The following PPP4R1 variants were observed in gnomAD, a reference collection of about 807,000 sequenced individuals.
PPP4R1 encodes protein phosphatase 4 regulatory subunit 1, also known as serine/threonine-protein phosphatase 4 regulatory subunit 1.
A neutral mutation model predicts 111.2 loss-of-function variants in PPP4R1; 42 were observed. That is an observed-to-expected ratio of 0.38 (90% CI 0.29 to 0.49). PPP4R1 has a LOEUF of 0.49. Ranked by LOEUF, PPP4R1 falls within the 20% of genes least tolerant of loss-of-function variation. The pLI is 0.97. For synonymous variants in PPP4R1, 409 were observed against 405.5 expected, an observed-to-expected ratio of 1.01 and a Z score of -0.10; for missense variants, 1,012 against 1,161.6, an observed-to-expected ratio of 0.87 and a Z score of 1.87.
At chr18:9,549,379 G>A (rs1455257660) in intron 18 of PPP4R1, 41 bp from the exon 19 acceptor site, 3 of 1,554,962 alleles carry the variant, frequency 1.9e-6, no homozygotes, top group East Asian at 4.6e-5. Flanking sequence ...CTCTGTCAAT[G>A]TAGCCAAAAA....
intron 15 of PPP4R1, among the ~76,000 whole-genome samples, chr18:9,556,000 A>AT (rs2066573938): frequency 2.5e-5 from 2 of 79,290 alleles, no homozygotes; most frequent in African/African-American, 8.1e-5. Flanking sequence ...AAACAAACAA[A>AT]AAAACACAAA....
chr18:9,596,312 C>T lies in PPP4R1; in HGVS notation c.53-1159G>A, dbSNP rs371401973. Among the ~76,000 whole-genome samples the T allele has an allele frequency of 5.9e-5, 9 of 152,258 alleles. No individual in the cohort carries two copies. In the East Asian group the frequency reaches 1.4e-3, roughly 23 times the overall value. Reference sequence around the variant, plus strand: ...ATCCAGAGGTAAATCAGGGCCTTTCCCAAAGCCCTAAGAGCTTTCCAAGAA... The same window carrying T: ...ATCCAGAGGTAAATCAGGGCCTTTCTCAAAGCCCTAAGAGCTTTCCAAGAA... On this transcript the variant is annotated intron_variant, in intron 2 of 19. Transcript: ENST00000400556.
At chr18:9,577,919 G>C (rs896789631) in intron 9 of PPP4R1, among the ~76,000 whole-genome samples, 1 of 152,184 alleles carries the variant, frequency 6.6e-6, no homozygotes, top group Admixed American at 6.5e-5. Context: ...AGGTAGGAAA[G>C]ACTTTAATTT....
Position 9,614,478 on chromosome 18 carries a change from C to T in PPP4R1, c.7G>A (p.Asp3Asn). The change falls in exon 1 of 20, where the codon GAC becomes AAC. Residue 3 changes from aspartate (D) to asparagine (N), a missense_variant and splice_region_variant. By Grantham distance (23) the Asp-to-Asn change is conservative. Coordinates refer to ENST00000400556, the MANE Select transcript of PPP4R1 (RefSeq NM_001042388.3). The surrounding 1 kb of genome is among the most constrained non-coding windows in gnomAD (Gnocchi z 4.1). Reference protein sequence around the residue: MADLSLLQEDLQE... With the variant: MANLSLLQEDLQE... ...GCCCGGAGAACAGGGGGCCACGTAC[C>T]CGCCATCTTGTGGTCGCCCCCTCCT... 2 of 1,034,118 alleles carry T rather than the reference C, an allele frequency of 1.9e-6. No individual in the cohort carries two copies. The highest frequency in any genetic ancestry group is 7.3e-5 in the East Asian group (1 of 13,762). The allele number at this position is 1,034,118 out of a possible 1,614,324, so 64.1% of individuals were successfully genotyped here.
chr18:9,611,608 GCAATTACTCTAA>G (rs1347112624), intron 2 of PPP4R1, among the ~76,000 whole-genome samples: 1 of 152,198 alleles, frequency 6.6e-6, no homozygotes, highest in Non-Finnish European at 1.5e-5. Context: ...AGAAAAATAA[GCAATTACTCTAA>G]CAAAGCCTTC....
Position 9,549,349 on chromosome 18 carries a change from G to C in PPP4R1, c.2548-11C>G. 6.3e-7 allele frequency: 1 copy of C among 1,592,918 alleles called. No individual in the cohort carries two copies. The highest frequency in any genetic ancestry group is 8.6e-7 in the Non-Finnish European group (1 of 1,162,098). On this transcript the variant is annotated splice_polypyrimidine_tract_variant and intron_variant, in intron 18 of 19. Transcript: ENST00000400556. ...ATCCTCAATGACAGTCTGGGGAAGA[G>C]AAACAGCTGCTCTAGGCTTCTCTGT... is the stretch of plus-strand genomic sequence containing the variant.
At chr18:9,552,855 T>C (rs968139867) in intron 16 of PPP4R1, among the ~76,000 whole-genome samples, 1 of 152,128 alleles carries the variant, frequency 6.6e-6, no homozygotes, top group African/African-American at 2.4e-5. Context: ...GAGGATACAA[T>C]ATGGAGGACA....
chr18:9,598,655 C>T (rs1437399446), intron 2 of PPP4R1, among the ~76,000 whole-genome samples: 1 of 152,076 alleles, frequency 6.6e-6, no homozygotes, highest in Non-Finnish European at 1.5e-5. Context: ...AATAATAAAG[C>T]AAACCATTCC....
chr18:9,614,188 C>T lies in PPP4R1; in HGVS notation c.52+38G>A. On this transcript the variant is annotated intron_variant, in intron 2 of 19. Coordinates refer to ENST00000400556, the MANE Select transcript of PPP4R1 (RefSeq NM_001042388.3). The surrounding 1 kb of genome is among the most constrained non-coding windows in gnomAD (Gnocchi z 4.1). ...CCGCCCGCCCTCCCCGGCCGCTCCC[C>T]GCGGACTGCCAGGCCACCGCGAGGC... The T allele has an allele frequency of 7.5e-7, 1 of 1,332,244 alleles. No homozygotes were observed. The highest frequency in any genetic ancestry group is 9.7e-7 in the Non-Finnish European group (1 of 1,028,534). 82.5% of individuals were successfully genotyped at this position (1,332,244 alleles called of 1,614,324 possible).
At chr18:9,549,876 A>G (rs1598883218) in intron 18 of PPP4R1, 176 bp downstream of exon 18, 1 of 913,290 alleles carries the variant, frequency 1.1e-6, no homozygotes. Flanking sequence ...GCTAGCTGGG[A>G]GAGAGGGGCC....
At chr18:9,598,304 C>T (rs986674818) in intron 2 of PPP4R1, among the ~76,000 whole-genome samples, 1 of 152,052 alleles carries the variant, frequency 6.6e-6, no homozygotes, top group East Asian at 1.9e-4. Context: ...AACTATCAAT[C>T]TACAGACAGA....
chr18:9,547,046 G>A lies in PPP4R1; in HGVS notation c.*743C>T, dbSNP rs1044187817. 3 of 152,606 alleles carry A rather than the reference G, an allele frequency of 2.0e-5. No homozygotes were observed. Among genetic ancestry groups the A allele is most frequent in the Non-Finnish European group, 2.9e-5 (2 of 68,068 alleles). 9.5% of individuals were successfully genotyped at this position (152,606 alleles called of 1,614,324 possible). A position where few individuals can be genotyped will look rare whatever the true frequency, so the allele number is the denominator to read the frequency against. ...GTATGTGAAGAAGTTGCACCTCAGA[G>A]CTGATCATGATCAAGTTAAAAACAC... On this transcript the variant is annotated 3_prime_UTR_variant, in exon 20 of 20. Transcript: ENST00000400556.
intron 8 of PPP4R1, 122 bp from the exon 9 acceptor site, chr18:9,583,397 C>CAAA: frequency 6.6e-6 from 7 of 1,063,972 alleles, no homozygotes; most frequent in Non-Finnish European, 8.9e-6. Flanking sequence ...GACAGAGTCT[C>CAAA]ACTCTTTTGC....
intron 16 of PPP4R1, chr18:9,551,395 T>G (rs1251027927): frequency 1.3e-5 from 2 of 152,378 alleles, no homozygotes; most frequent in African/African-American, 2.4e-5. Flanking sequence ...TGCAGTCAGC[T>G]GCCCAGGGCC....
chr18:9,550,548 A>G (rs2066472554), intron 16 of PPP4R1, 150 bp from the exon 17 acceptor site: 1 of 820,030 alleles, frequency 1.2e-6, no homozygotes, highest in Admixed American at 2.9e-5. Flanking sequence ...CCTCTCCTGT[A>G]CAGTTACCTC....
intron 9 of PPP4R1, among the ~76,000 whole-genome samples, chr18:9,578,039 G>T (rs1458234779): frequency 2.0e-5 from 3 of 152,150 alleles, no homozygotes; most frequent in Admixed American, 1.3e-4. Context: ...GTCTCATGTA[G>T]GAGGGGTGAT....
chr18:9,547,540 C>T lies in PPP4R1; in HGVS notation c.*249G>A, dbSNP rs778348288. ...AGGAAGACAGAAGGATTTAAGGCTT[C>T]GGTGACAATTATAATCCTCTGAGAA... is the stretch of plus-strand genomic sequence containing the variant. On this transcript the variant is annotated 3_prime_UTR_variant, in exon 20 of 20. Coordinates refer to ENST00000400556, the MANE Select transcript of PPP4R1 (RefSeq NM_001042388.3). The T allele has an allele frequency of 1.9e-5, 7 of 370,458 alleles. No individual in the cohort carries two copies. Among genetic ancestry groups the T allele is most frequent in the Non-Finnish European group, 3.4e-5 (7 of 203,532 alleles). 22.9% of individuals were successfully genotyped at this position (370,458 alleles called of 1,614,324 possible).
chr18:9,560,199 G>C (rs1320821496), intron 13 of PPP4R1, among the ~76,000 whole-genome samples: 1 of 152,132 alleles, frequency 6.6e-6, no homozygotes, highest in Non-Finnish European at 1.5e-5. Flanking sequence ...ATGATCACTT[G>C]AGCCCAGGGA....
At chr18:9,556,802 T>C (rs1042120293) in intron 15 of PPP4R1, among the ~76,000 whole-genome samples, 4 of 152,226 alleles carry the variant, frequency 2.6e-5, no homozygotes, top group Middle Eastern at 3.4e-3. Context: ...CCCAACCAGA[T>C]TGAAAATACA....
Sources: allele counts gnomAD v4.1 joint callset (sites outside exome capture counted in the v4.1 genomes callset), GRCh38; gene constraint gnomAD v4.1.1; non-coding constraint Gnocchi (gnomAD v3.1); transcripts MANE v1.5; gene names NCBI Gene and HGNC (gene_info 2026-07-23, HGNC 2026-07-21).